TTN: variants seen among roughly 807,000 people sequenced by gnomAD.
TTN encodes the protein connectin.
Under a neutral mutation model 3,223.0 loss-of-function variants are expected in TTN, and 1,525 were observed. The ratio of observed to expected loss-of-function variants is 0.47; its 90% CI spans 0.45 to 0.49. TTN has a LOEUF of 0.49. TTN is among the 20% of genes least tolerant of loss of function. The pLI, the probability that TTN is intolerant of heterozygous loss-of-function variation, is 0.00. For missense variants in TTN, 40,786 were observed against 43,424.0 expected (o/e 0.94, Z 5.40); for synonymous variants, 14,094 against 15,161.0 (o/e 0.93, Z 5.17).
In TTN at chr2:178,734,375, G is replaced by A; in HGVS notation, c.15449C>T (p.Ala5150Val). ...ADVGEYECVV[A>V]NEVGKCGCMA... ...GCAGCCACACTTGCCGACTTCATTA[G>A]CAACAACACATTCATATTCACCAAC... The change falls in exon 52 of 363, where the codon GCT (alanine) becomes GTT (valine). Residue 5150 changes from alanine to valine, a missense_variant. Transcript: ENST00000589042. 2 of 1,610,162 alleles carry A rather than the reference G, an allele frequency of 1.2e-6. No homozygotes were observed. The highest frequency in any genetic ancestry group is 1.7e-6 in the Non-Finnish European group (2 of 1,177,454).
rs878871703 is a variant in TTN, at chr2:178,777,572, A to G, written c.4493T>C (p.Val1498Ala). 7 of 1,613,958 alleles carry G rather than the reference A, an allele frequency of 4.3e-6. No homozygotes were observed. Among genetic ancestry groups the G allele is most frequent in the Non-Finnish European group, 5.1e-6 (6 of 1,179,930 alleles). ...GACTACTTTATGGGTATAGTCATTG[A>G]CAATTTGCTGGCCTGTGAAAATATG... ...TFWFHDGQQI[V>A]NDYTHKVVIK... The change falls in exon 26 of 363, where the codon GTC becomes GCC. Residue 1498 changes from valine (V) to alanine (A), a missense_variant. Coordinates refer to ENST00000589042, the MANE Select transcript of TTN (RefSeq NM_001267550.2).
At position 178,613,018 on chromosome 2, in the gene TTN, A is replaced by C; in HGVS notation, c.49703T>G (p.Val16568Gly). 1 of 1,612,746 alleles carries C rather than the reference A, an allele frequency of 6.2e-7. No individual in the cohort carries two copies. The highest frequency in any genetic ancestry group is 8.5e-7 in the Non-Finnish European group (1 of 1,179,246). ...TTCTGGTTTTGTCCAATTCAACCTT[A>C]CTGATGTTTTGCCTACATCTTTTAC... Reference protein sequence around the residue: ...PTVKDVGKTSVRLNWTKPEHD... With the variant: ...PTVKDVGKTSGRLNWTKPEHD... The change falls in exon 265 of 363, where the codon GTA becomes GGA. Residue 16568 changes from valine to glycine, a missense_variant. Transcript: ENST00000589042.
intron 11 of TTN, among the ~76,000 whole-genome samples, chr2:178,790,407 G>A (rs184022351): frequency 6.6e-4 from 101 of 152,274 alleles, no homozygotes; most frequent in African/African-American, 2.3e-3. Context: ...AGACATTTCA[G>A]TAGCACTGTA....
intron 111 of TTN, among the ~76,000 whole-genome samples, chr2:178,699,790 G>C (rs112088511): frequency 0.034 from 4,293 of 127,588 alleles, 245 homozygotes; most frequent in African/African-American, 0.12. Flanking sequence ...GCAGTGGCTC[G>C]ATCTCGGCTC....
At position 178,609,415 on chromosome 2, in the gene TTN, G is replaced by T; in HGVS notation, c.51895C>A (p.Pro17299Thr). The T allele has an allele frequency of 6.2e-7, 1 of 1,612,208 alleles. No individual in the cohort carries two copies. Among genetic ancestry groups the T allele is most frequent in the South Asian group, 1.1e-5 (1 of 91,004 alleles). ...TCACCCTTCCTTCTCCTAACCAAGG[G>T]TGCTGCACGCTTCTTAATTTCCTCT... ...VPEEIKKRAA[P>T]LVRRRKGEVQ... is the part of the protein sequence containing the mutation. Residue 17299 changes from proline (P) to threonine (T), a missense_variant, in exon 273 of 363, where the codon CCC becomes ACC. By Grantham distance (38) the Pro-to-Thr change is conservative. Coordinates refer to ENST00000589042, the MANE Select transcript of TTN (RefSeq NM_001267550.2).
chr2:178,582,220 G>C lies in TTN; in HGVS notation c.66161-12C>G, dbSNP rs575400063. On this transcript the variant is annotated splice_polypyrimidine_tract_variant and intron_variant, in intron 314 of 362. Coordinates refer to ENST00000589042, the MANE Select transcript of TTN (RefSeq NM_001267550.2). ...GCGTCCTGGTGGGTCTGCAGAAATTGATTGAAAAGTTAATTTCCCAGGCTA... is the reference window on the plus strand; with the variant it reads ...GCGTCCTGGTGGGTCTGCAGAAATTCATTGAAAAGTTAATTTCCCAGGCTA... 2.5e-6 allele frequency: 4 copies of C among 1,584,950 alleles called. No individual in the cohort carries two copies. In the South Asian group the frequency reaches 3.5e-5, roughly 14 times the overall value.
At chr2:178,746,341 A>G (rs1254727446) in intron 47 of TTN, 1 of 1,612,464 alleles carries the variant, frequency 6.2e-7, no homozygotes, top group South Asian at 1.1e-5. Context: ...GATCTACAAA[A>G]TTAAATGGAA....
Position 178,582,228 on chromosome 2 carries a change from A to T in TTN, c.66161-20T>A. The T allele has an allele frequency of 6.3e-7, 1 of 1,585,444 alleles. No homozygotes were observed. The highest frequency in any genetic ancestry group is 1.2e-5 in the South Asian group (1 of 85,190). Reference sequence around the variant, plus strand: ...GTGGGTCTGCAGAAATTGATTGAAAAGTTAATTTCCCAGGCTAAAAGATAA... The same window carrying T: ...GTGGGTCTGCAGAAATTGATTGAAATGTTAATTTCCCAGGCTAAAAGATAA... On this transcript the variant is annotated intron_variant, in intron 314 of 362. Coordinates refer to ENST00000589042, the MANE Select transcript of TTN (RefSeq NM_001267550.2).
At chr2:178,728,010 G>A in intron 67 of TTN, 100 bp downstream of exon 67, 1 of 1,424,356 alleles carries the variant, frequency 7.0e-7, no homozygotes, top group Non-Finnish European at 9.3e-7. Flanking sequence ...TAAAGAACCA[G>A]AATCATAGAG....
At position 178,586,695 on chromosome 2, in the gene TTN, G is replaced by A. The variant is rs752270069; in HGVS notation, c.64206C>T (p.Ile21402=). 20 of 1,612,984 alleles carry A rather than the reference G, an allele frequency of 1.2e-5. No individual in the cohort carries two copies. The highest frequency in any genetic ancestry group is 1.7e-5 in the Admixed American group (1 of 59,942). ...GCTGCTCTTCTTCTCTGTAACTAGT[G>A]ATGTAGCCATCGATTTTAGCACCTC... The part of the protein sequence containing the change: ...RDGGAKIDGY[I]TSYREEEQPA... Residue 21402 remains isoleucine (I), a synonymous_variant, in exon 308 of 363, where the codon ATC becomes ATT. Transcript: ENST00000589042.
intron 153 of TTN, 33 bp downstream of exon 153, chr2:178,672,602 A>C: frequency 6.2e-7 from 1 of 1,610,568 alleles, no homozygotes; most frequent in South Asian, 1.1e-5. Flanking sequence ...AAAAAGACAG[A>C]AGAGGAAGTC....
At chr2:178,786,799 T>G (rs1254507662) in intron 13 of TTN, among the ~76,000 whole-genome samples, 2 of 152,214 alleles carry the variant, frequency 1.3e-5, no homozygotes, top group East Asian at 1.9e-4. Context: ...GTGATTAAAA[T>G]GAAAGTGTTA....
chr2:178,638,332 A>G (rs1576772163), intron 223 of TTN, among the ~76,000 whole-genome samples: 1 of 150,714 alleles, frequency 6.6e-6, no homozygotes, highest in Admixed American at 6.6e-5. Context: ...ATATAAAAAT[A>G]TATAAACAAA....
rs778681628 is a variant in TTN, at chr2:178,635,215, C to G, written c.41974G>C (p.Asp13992His). ...TTCAGTTTCCATTGTCCAGGAATGT[C>G]TGCCTCTGAGATTTCTGCATCAAAG... Reference protein sequence around the residue: ...ASFDAEISEADIPGQWKLKGE... With the variant: ...ASFDAEISEAHIPGQWKLKGE... Residue 13992 changes from aspartate to histidine, a missense_variant, in exon 228 of 363, where the codon GAC becomes CAC. Asp to His is a moderately conservative substitution (Grantham distance 81). Coordinates refer to ENST00000589042, the MANE Select transcript of TTN (RefSeq NM_001267550.2). 1.2e-6 allele frequency: 2 copies of G among 1,613,334 alleles called. No homozygotes were observed. Among genetic ancestry groups the G allele is most frequent in the Admixed American group, 3.3e-5 (2 of 59,976 alleles).
In TTN at chr2:178,594,622, A is replaced by T; in HGVS notation, c.57872T>A (p.Leu19291Gln). ...PITVPERPED[L>Q]EVKEVTKNTV... ...ATTTTTAGTAACTTCTTTGACTTCC[A>T]GGTCTTCAGGACGCTCTGGTACAGC... The change falls in exon 296 of 363, where the codon CTG (leucine) becomes CAG (glutamine). Residue 19291 changes from leucine (L) to glutamine (Q), a missense_variant. By Grantham distance (113) the Leu-to-Gln change is moderately radical. Transcript: ENST00000589042. 1 of 1,611,184 alleles carries T rather than the reference A, an allele frequency of 6.2e-7. No homozygotes were observed. The highest frequency in any genetic ancestry group is 8.5e-7 in the Non-Finnish European group (1 of 1,178,248).
At position 178,574,755 on chromosome 2, in the gene TTN, T is replaced by C; in HGVS notation, c.71377A>G (p.Thr23793Ala). 2 of 1,612,618 alleles carry C rather than the reference T, an allele frequency of 1.2e-6. No homozygotes were observed. The highest frequency in any genetic ancestry group is 8.5e-7 in the Non-Finnish European group (1 of 1,179,142). ...RTTYKATRLT[T>A]GLEYQFRVKA... is the part of the protein sequence containing the mutation. Reference sequence around the variant, plus strand: ...ACACGGAACTGATACTCTAATCCAGTAGTAAGGCGGGTGGCTTTATAGGTA... The same window carrying C: ...ACACGGAACTGATACTCTAATCCAGCAGTAAGGCGGGTGGCTTTATAGGTA... The change falls in exon 326 of 363, where the codon ACT becomes GCT. Residue 23793 changes from threonine (T) to alanine (A), a missense_variant. Physicochemically the swap from Thr to Ala is moderately conservative, Grantham distance 58. Transcript: ENST00000589042.
In TTN at chr2:178,572,926, C is replaced by T. The variant is rs868393238; in HGVS notation, c.73206G>A (p.Met24402Ile). The T allele has an allele frequency of 8.7e-6, 14 of 1,613,324 alleles. No homozygotes were observed. Among genetic ancestry groups the T allele is most frequent in the Non-Finnish European group, 1.1e-5 (13 of 1,179,582 alleles). Reference protein sequence around the residue: ...NQEYKIRIYAMNSEGLGEPAL... With the variant: ...NQEYKIRIYAINSEGLGEPAL... ...CAGGTTCCCCAAGTCCTTCGGAATT[C>T]ATGGCATAGATGCGGATCTTATATT... Residue 24402 changes from methionine (M) to isoleucine (I), a missense_variant, in exon 326 of 363, where the codon ATG (methionine) becomes ATA (isoleucine). Transcript: ENST00000589042.
At chr2:178,538,883 T>C in intron 353 of TTN, 44 bp from the exon 354 acceptor site, 1 of 1,578,926 alleles carries the variant, frequency 6.3e-7, no homozygotes, top group Non-Finnish European at 8.6e-7. Context: ...GCTTTACTGG[T>C]GAAATAAAAG....
chr2:178,529,895 G>A, intron 359 of TTN, 65 bp downstream of exon 359: 2 of 1,507,326 alleles, frequency 1.3e-6, no homozygotes, highest in South Asian at 1.3e-5. Flanking sequence ...AAGGGGGGAT[G>A]TTTGAAAATA....
Sources: gnomAD v4.1 joint callset for allele counts (sites outside exome capture counted in the v4.1 genomes callset) on GRCh38, gnomAD v4.1.1 for gene constraint, MANE v1.5 for transcripts, NCBI Gene and HGNC (gene_info 2026-07-23, HGNC 2026-07-21) for gene names.